The following POFUT3 variants were observed in gnomAD, a reference collection of about 807,000 sequenced individuals.
The protein encoded by POFUT3 is protein O-fucosyltransferase 3, also known as GDP-fucose protein O-fucosyltransferase 3.
the POFUT3 span, among the ~76,000 whole-genome samples, chr8:33,472,631 G>A: frequency 4.6e-5 from 7 of 152,184 alleles, no homozygotes; most frequent in Non-Finnish European, 8.8e-5. Context: ...AAGACCTGGG[G>A]GAGAACAAGG....
the POFUT3 span, among the ~76,000 whole-genome samples, chr8:33,350,601 G>A: frequency 6.6e-6 from 1 of 152,158 alleles, no homozygotes; most frequent in Non-Finnish European, 1.5e-5. Context: ...AATACAGGAT[G>A]ATTCTCAGAC....
At chr8:33,377,518 C>T in the POFUT3 span, 1 of 152,246 alleles carries the variant, frequency 6.6e-6, no homozygotes, top group East Asian at 1.9e-4. Context: ...GTAATATTAC[C>T]CTATTTCCTT....
the POFUT3 span, among the ~76,000 whole-genome samples, chr8:33,363,454 C>A: frequency 8.2e-4 from 125 of 152,172 alleles, no homozygotes; most frequent in African/African-American, 2.8e-3. Flanking sequence ...ACACAAAAAA[C>A]CCTTCAAAAA....
the POFUT3 span, among the ~76,000 whole-genome samples, chr8:33,442,942 C>T: frequency 1.2e-4 from 19 of 152,200 alleles, no homozygotes; most frequent in South Asian, 3.5e-3. Context: ...GGCAAGACTC[C>T]ATTTCTAATA....
At chr8:33,374,410 C>G in the POFUT3 span, among the ~76,000 whole-genome samples, 1 of 152,170 alleles carries the variant, frequency 6.6e-6, no homozygotes, top group Non-Finnish European at 1.5e-5. Flanking sequence ...CTGACCAGTA[C>G]TCTTCAAAAG....
At chr8:33,331,990 A>T in the POFUT3 span, among the ~76,000 whole-genome samples, 2 of 151,018 alleles carry the variant, frequency 1.3e-5, no homozygotes, top group Non-Finnish European at 2.9e-5. Flanking sequence ...AAAGATTTTT[A>T]AAAGTAAGCA....
chr8:33,413,857 G>A, the POFUT3 span, among the ~76,000 whole-genome samples: 16 of 152,146 alleles, frequency 1.1e-4, no homozygotes, highest in Non-Finnish European at 2.2e-4. Context: ...TAGAATAATT[G>A]GATATAAAGA....
At chr8:33,338,669 T>C in the POFUT3 span, among the ~76,000 whole-genome samples, 1 of 152,158 alleles carries the variant, frequency 6.6e-6, no homozygotes, top group Admixed American at 6.5e-5. Context: ...AGAGACCATA[T>C]GGGAAGCTGA....
At chr8:33,428,700 T>C in the POFUT3 span, among the ~76,000 whole-genome samples, 1 of 152,132 alleles carries the variant, frequency 6.6e-6, no homozygotes, top group African/African-American at 2.4e-5. Context: ...GTTAGATCAT[T>C]AGGGCTCCAC....
chr8:33,375,276 A>C, the POFUT3 span, among the ~76,000 whole-genome samples: 30 of 152,164 alleles, frequency 2.0e-4, 1 homozygote, highest in Admixed American at 7.2e-4. Context: ...ACAAGAGAAT[A>C]AACTAAGAAA....
the POFUT3 span, among the ~76,000 whole-genome samples, chr8:33,466,007 G>C: frequency 6.6e-6 from 1 of 152,138 alleles, no homozygotes; most frequent in Non-Finnish European, 1.5e-5. Flanking sequence ...CCTTCGCATA[G>C]CTTTATGAAC....
the POFUT3 span, chr8:33,453,631 C>G: frequency 2.4e-6 from 2 of 828,998 alleles, no homozygotes; most frequent in African/African-American, 3.4e-5. Context: ...CAAATTACCA[C>G]AAACAGTAAT....
the POFUT3 span, among the ~76,000 whole-genome samples, chr8:33,367,723 T>G: frequency 6.6e-6 from 1 of 152,150 alleles, no homozygotes; most frequent in Non-Finnish European, 1.5e-5. Context: ...ACTGGCTTTT[T>G]TTTTTCCCCA....
the POFUT3 span, among the ~76,000 whole-genome samples, chr8:33,348,944 G>GA: frequency 1.3e-5 from 2 of 152,176 alleles, no homozygotes; most frequent in Admixed American, 1.3e-4. Context: ...GTTTATATGA[G>GA]AAAAAAACCT....
At chr8:33,346,999 T>G in the POFUT3 span, among the ~76,000 whole-genome samples, 9 of 152,210 alleles carry the variant, frequency 5.9e-5, no homozygotes, top group Non-Finnish European at 1.2e-4. Context: ...TATTGGCATT[T>G]GTTAGGAATA....
At chr8:33,372,589 T>C in the POFUT3 span, 4 of 1,613,518 alleles carry the variant, frequency 2.5e-6, no homozygotes, top group African/African-American at 5.3e-5. Flanking sequence ...AGTCCTTGAA[T>C]ACTAGGCCCC....
the POFUT3 span, among the ~76,000 whole-genome samples, chr8:33,461,152 C>T: frequency 8.5e-6 from 1 of 117,590 alleles, no homozygotes; most frequent in African/African-American, 3.3e-5. Flanking sequence ...GGTACTGTGT[C>T]GAAAGGAGTG....
the POFUT3 span, among the ~76,000 whole-genome samples, chr8:33,320,066 G>A: frequency 6.6e-6 from 1 of 151,714 alleles, no homozygotes; most frequent in Admixed American, 6.6e-5. Flanking sequence ...ACTATATTAA[G>A]AAATGCTTTG....
chr8:33,411,137 G>C, the POFUT3 span, among the ~76,000 whole-genome samples: 7,404 of 152,232 alleles, frequency 0.049, 395 homozygotes, highest in African/African-American at 0.12. Flanking sequence ...TGTTGAGTTT[G>C]CATGAAAGGA....
Sources: gnomAD v4.1 joint callset for allele counts (sites outside exome capture counted in the v4.1 genomes callset) on GRCh38, gnomAD v4.1.1 for gene constraint, MANE v1.5 for transcripts, NCBI Gene and HGNC (gene_info 2026-07-23, HGNC 2026-07-21) for gene names.